Variants in NELL1 observed in about 807,000 individuals in gnomAD.
NELL1 encodes protein kinase C-binding protein NELL1.
NELL1 carries 76 observed loss-of-function variants against 107.4 expected under a neutral mutation model. That is an observed-to-expected ratio of 0.71 (90% confidence interval 0.59 to 0.86). NELL1 has a LOEUF of 0.86. Among genes scored for constraint, NELL1 ranks in the 40% least tolerant of loss-of-function variants. The pLI is 0.00. For synonymous variants in NELL1, 353 were observed against 341.2 expected (o/e 1.03, Z -0.38); for missense variants, 1,024 against 1,005.5 (o/e 1.02, Z -0.25).
intron 3 of NELL1, among the ~76,000 whole-genome samples, chr11:20,791,889 A>C (rs1342493231): frequency 6.6e-6 from 1 of 152,032 alleles, no homozygotes; most frequent in East Asian, 1.9e-4. Flanking sequence ...TTAATCTTTT[A>C]TTCTGTTGAT....
intron 2 of NELL1, among the ~76,000 whole-genome samples, chr11:20,729,290 C>G (rs181602097): frequency 2.0e-5 from 3 of 151,970 alleles, no homozygotes; most frequent in Admixed American, 6.6e-5. Flanking sequence ...TATTTAGATG[C>G]CTCTTATTTT....
chr11:21,358,407 T>C (rs1427154036), intron 14 of NELL1, among the ~76,000 whole-genome samples: 1 of 151,866 alleles, frequency 6.6e-6, no homozygotes, highest in Non-Finnish European at 1.5e-5. Flanking sequence ...TTGTTTTGTT[T>C]TGTTTTTTTT....
At chr11:21,199,549 C>A (rs1007877829) in intron 13 of NELL1, among the ~76,000 whole-genome samples, 4 of 152,018 alleles carry the variant, frequency 2.6e-5, no homozygotes, top group East Asian at 3.9e-4. Flanking sequence ...TTCTAGTTTT[C>A]TATCTTTTGT....
chr11:21,264,098 T>TGTGTGTGTG lies in NELL1; in HGVS notation c.1549+34644_1549+34645insGTGTGTGTG, dbSNP rs1384879423. Reference sequence around the variant, plus strand: ...TGTGTGTGTGTGTGTGTGTGTGTGTTTGTGTGTCTGTCTGTCTCATCCTTC... The same window carrying TGTGTGTGTG: ...TGTGTGTGTGTGTGTGTGTGTGTGTTGTGTGTGTGTGTGTGTCTGTCTGTCTCATCCTTC... On this transcript the variant is annotated intron_variant, in intron 14 of 19. Coordinates refer to ENST00000357134, the MANE Select transcript of NELL1 (RefSeq NM_006157.5). 9.3e-3 allele frequency among the ~76,000 whole-genome samples: 391 copies of TGTGTGTGTG among 41,942 alleles called. 5 individuals are homozygous for TGTGTGTGTG. The highest frequency in any genetic ancestry group is 0.029 in the African/African-American group (355 of 12,300). 27.5% of individuals were successfully genotyped at this position (41,942 alleles called of 152,430 possible). A position where few individuals can be genotyped will look rare whatever the true frequency, so the allele number is the denominator to read the frequency against.
intron 12 of NELL1, chr11:21,000,913 C>G (rs1852204048): frequency 1.3e-5 from 2 of 152,112 alleles, no homozygotes; most frequent in African/African-American, 4.8e-5. Flanking sequence ...CAGGAGGTCT[C>G]CCATCCAAGT....
At chr11:21,191,686 T>C (rs1857053159) in intron 13 of NELL1, among the ~76,000 whole-genome samples, 1 of 151,946 alleles carries the variant, frequency 6.6e-6, no homozygotes, top group African/African-American at 2.4e-5. Flanking sequence ...ATATCCATTT[T>C]TGTGCAGAGC....
At chr11:21,289,144 G>A (rs770828476) in intron 14 of NELL1, among the ~76,000 whole-genome samples, 4 of 152,206 alleles carry the variant, frequency 2.6e-5, no homozygotes, top group African/African-American at 4.8e-5. Flanking sequence ...GGGGCACATA[G>A]GTGAGGAGCA....
At chr11:21,071,906 T>G (rs768292436) in intron 12 of NELL1, among the ~76,000 whole-genome samples, 9 of 152,170 alleles carry the variant, frequency 5.9e-5, no homozygotes, top group Non-Finnish European at 1.3e-4. Context: ...CCTTCAGGCT[T>G]AGTTTCTTTG....
intron 14 of NELL1, among the ~76,000 whole-genome samples, chr11:21,328,855 T>A (rs1408955877): frequency 6.6e-6 from 1 of 152,170 alleles, no homozygotes; most frequent in Non-Finnish European, 1.5e-5. Context: ...TGTAGCCCCT[T>A]TGTTTTGGCC....
chr11:21,262,253 G>A (rs760931420), intron 14 of NELL1, among the ~76,000 whole-genome samples: 1 of 151,780 alleles, frequency 6.6e-6, no homozygotes, highest in South Asian at 2.1e-4. Context: ...CAGGTTCACT[G>A]TGTAGTGAAT....
At chr11:21,100,736 A>G (rs979446649) in intron 12 of NELL1, among the ~76,000 whole-genome samples, 3 of 152,196 alleles carry the variant, frequency 2.0e-5, no homozygotes, top group Non-Finnish European at 4.4e-5. Context: ...CTGCTATACC[A>G]TAGCAGCTTT....
chr11:20,875,969 C>G lies in NELL1; in HGVS notation c.507-9475C>G, dbSNP rs188830803. 1.4e-3 allele frequency among the ~76,000 whole-genome samples: 216 copies of G among 152,338 alleles called. 1 individual carries two copies. Among genetic ancestry groups the G allele is most frequent in the Non-Finnish European group, 2.7e-3 (186 of 68,030 alleles). On this transcript the variant is annotated intron_variant, in intron 4 of 19. Transcript: ENST00000357134. Reference sequence around the variant, plus strand: ...TGATCTCTGAGAAGACCTCTCTCCTCTCTGTGAAGGGTGTTGACACCCTGC... The same window carrying G: ...TGATCTCTGAGAAGACCTCTCTCCTGTCTGTGAAGGGTGTTGACACCCTGC...
chr11:21,120,430 A>G (rs1006745879), intron 13 of NELL1, among the ~76,000 whole-genome samples: 1 of 152,144 alleles, frequency 6.6e-6, no homozygotes, highest in Non-Finnish European at 1.5e-5. Context: ...ATGAAATGGA[A>G]CTAAAACAGA....
chr11:21,534,547 T>C (rs1335062355), intron 16 of NELL1, 33 bp downstream of exon 16: 3 of 1,611,118 alleles, frequency 1.9e-6, no homozygotes, highest in Admixed American at 3.3e-5. Context: ...CTCCAACTGC[T>C]TGGACCTTTG....
chr11:21,137,662 C>G (rs1855773646), intron 13 of NELL1, among the ~76,000 whole-genome samples: 1 of 152,146 alleles, frequency 6.6e-6, no homozygotes, highest in African/African-American at 2.4e-5. Context: ...ATGAAGAATA[C>G]TTGAAGGCTA....
chr11:21,129,804 A>G (rs368213912), intron 13 of NELL1, among the ~76,000 whole-genome samples: 1 of 152,342 alleles, frequency 6.6e-6, no homozygotes, highest in Admixed American at 6.5e-5. Flanking sequence ...CATTAGTTTT[A>G]CAAGATGAAA....
chr11:21,270,979 A>T (rs1848727668), intron 14 of NELL1, among the ~76,000 whole-genome samples: 2 of 152,138 alleles, frequency 1.3e-5, no homozygotes, highest in African/African-American at 2.4e-5. Flanking sequence ...CTAAATAAAA[A>T]TAAGATAAAA....
chr11:21,210,123 A>G (rs1565112511), intron 13 of NELL1, among the ~76,000 whole-genome samples: 1 of 152,112 alleles, frequency 6.6e-6, no homozygotes, highest in Non-Finnish European at 1.5e-5. Context: ...CATTTTCTTC[A>G]TGCATTGATT....
In NELL1 at chr11:21,534,424, T is replaced by C; in HGVS notation, c.1696T>C (p.Cys566Arg). 1 of 1,613,872 alleles carries C rather than the reference T, an allele frequency of 6.2e-7. No individual in the cohort carries two copies. Among genetic ancestry groups the C allele is most frequent in the Non-Finnish European group, 8.5e-7 (1 of 1,179,836 alleles). ...GIIECHNHSR[C>R]VNLPGWYHCE... ...CATTGAGTGCCACAACCATTCCCGC[T>C]GCGTTAACCTGCCAGGGTGGTACCA... The change falls in exon 16 of 20, where the codon TGC (cysteine) becomes CGC (arginine). Residue 566 changes from cysteine (C) to arginine (R), a missense_variant. Transcript: ENST00000357134.
Sources: allele counts gnomAD v4.1 joint callset (sites outside exome capture counted in the v4.1 genomes callset), GRCh38; gene constraint gnomAD v4.1.1; transcripts MANE v1.5; gene names NCBI Gene and HGNC (gene_info 2026-07-23, HGNC 2026-07-21).